Variants in ROCK2 observed in about 807,000 individuals in gnomAD.
ROCK2 encodes the protein rho-associated protein kinase 2.
In ROCK2, 61 loss-of-function variants were observed where a neutral mutation model predicts 195.1. The ratio of observed to expected loss-of-function variants is 0.31; its 90% CI spans 0.25 to 0.39. The LOEUF is 0.39. Among genes scored for constraint, ROCK2 ranks in the 10% least tolerant of loss-of-function variants. The pLI is 1.00. For missense variants in ROCK2, 1,109 were observed against 1,637.4 expected (o/e 0.68, Z 5.57); for synonymous variants, 504 against 545.5 (o/e 0.92, Z 1.06).
At chr2:11,313,569 C>T (rs1186027796) in intron 1 of ROCK2, among the ~76,000 whole-genome samples, 1 of 151,914 alleles carries the variant, frequency 6.6e-6, no homozygotes, top group Non-Finnish European at 1.5e-5. Context: ...TGTATAACCT[C>T]TTTATGTTAA....
rs563992651 is a variant in ROCK2 at position 11,344,576 on chromosome 2, G to A, written c.-440C>T. 9.7e-3 allele frequency: 8,257 copies of A among 854,932 alleles called. 51 individuals carry two copies. Among genetic ancestry groups the A allele is most frequent in the Non-Finnish European group, 0.011 (7,651 of 712,706 alleles). The allele number at this position is 854,932 out of a possible 1,614,324, so 53.0% of individuals were successfully genotyped here. ...CCGGCCCGCTGCCATGGTCGCCGCC[G>A]GCCGCCTTGCAGTCCCTCAGCCAGC... On this transcript the variant is annotated 5_prime_UTR_variant, in exon 1 of 33. Transcript: ENST00000315872. This position sits in a 1 kb window ranked among gnomAD's most constrained non-coding sequence, Gnocchi z 5.4.
At chr2:11,228,660 G>A (rs1391335863) in intron 5 of ROCK2, among the ~76,000 whole-genome samples, 1 of 151,962 alleles carries the variant, frequency 6.6e-6, no homozygotes, top group Non-Finnish European at 1.5e-5. Context: ...ATCAATAGAG[G>A]CTTATTAGGT....
intron 3 of ROCK2, among the ~76,000 whole-genome samples, chr2:11,278,802 C>T (rs1450218105): frequency 4.6e-5 from 7 of 152,016 alleles, no homozygotes; most frequent in Non-Finnish European, 7.4e-5. Context: ...TTAGTAGAGA[C>T]GGGGTTTTGC....
At chr2:11,231,918 A>G (rs767982593) in intron 5 of ROCK2, among the ~76,000 whole-genome samples, 12 of 152,214 alleles carry the variant, frequency 7.9e-5, no homozygotes, top group Admixed American at 1.3e-4. Flanking sequence ...ATATGTCTAT[A>G]TTATAGATAA....
At chr2:11,241,929 T>C (rs1665441528) in intron 4 of ROCK2, among the ~76,000 whole-genome samples, 1 of 152,124 alleles carries the variant, frequency 6.6e-6, no homozygotes, top group African/African-American at 2.4e-5. Context: ...CTTGTTAGCA[T>C]AACATGAAGT....
intron 3 of ROCK2, among the ~76,000 whole-genome samples, chr2:11,262,653 G>C (rs193262246): frequency 8.7e-4 from 132 of 152,232 alleles, no homozygotes; most frequent in Admixed American, 1.6e-3. Flanking sequence ...GTGACTTGCT[G>C]CTCCTTGCCT....
Position 11,329,092 on chromosome 2 carries a change from A to C in ROCK2, c.141+14904T>G, listed in dbSNP as rs1340979888. ...TAATAATTTTTTTAAAAATGCAAAA[A>C]AAAGAAACAAAAAAAAATACACTTG... On this transcript the variant is annotated intron_variant, in intron 1 of 32. Coordinates refer to ENST00000315872, the MANE Select transcript of ROCK2 (RefSeq NM_004850.5). 5.1e-5 allele frequency among the ~76,000 whole-genome samples: 4 copies of C among 78,588 alleles called. No homozygotes were observed. In the East Asian group the frequency reaches 4.2e-3, roughly 83 times the overall value. 51.6% of individuals were successfully genotyped at this position (78,588 alleles called of 152,430 possible).
At chr2:11,300,311 A>G (rs751144072) in intron 1 of ROCK2, among the ~76,000 whole-genome samples, 2 of 152,138 alleles carry the variant, frequency 1.3e-5, no homozygotes, top group Non-Finnish European at 2.9e-5. Context: ...TGCCCAGGCT[A>G]GAGTGCAATG....
chr2:11,200,118 T>G (rs1246412301), intron 23 of ROCK2, among the ~76,000 whole-genome samples: 1 of 152,226 alleles, frequency 6.6e-6, no homozygotes, highest in Non-Finnish European at 1.5e-5. Context: ...TTAGGTTTTC[T>G]CTTTCAGCTA....
rs139618490 is a variant in ROCK2, at chr2:11,272,250, A to C, written c.324+14289T>G. Among the ~76,000 whole-genome samples, 594 of 152,292 alleles carry C rather than the reference A, an allele frequency of 3.9e-3. 2 individuals are homozygous for C. Among genetic ancestry groups the C allele is most frequent in the African/African-American group, 0.013 (534 of 41,552 alleles). On this transcript the variant is annotated intron_variant, in intron 3 of 32. Coordinates refer to ENST00000315872, the MANE Select transcript of ROCK2 (RefSeq NM_004850.5). ...ATGGTCAATGAAGTCCTACAGGGTG[A>C]AATGAAAACACACTGTTTAAACAGT...
intron 18 of ROCK2, among the ~76,000 whole-genome samples, chr2:11,209,194 T>C (rs1375817322): frequency 6.6e-6 from 1 of 152,060 alleles, no homozygotes; most frequent in Admixed American, 6.6e-5. Context: ...TGTTGAAAAA[T>C]ATGTTTTAGG....
chr2:11,306,259 T>C (rs988687135), intron 1 of ROCK2, among the ~76,000 whole-genome samples: 2 of 152,220 alleles, frequency 1.3e-5, no homozygotes, highest in African/African-American at 4.8e-5. Flanking sequence ...GACTCACTAT[T>C]TCCTTCTGTC....
chr2:11,291,411 G>A (rs1031213522), intron 1 of ROCK2, among the ~76,000 whole-genome samples: 3 of 152,176 alleles, frequency 2.0e-5, no homozygotes, highest in Non-Finnish European at 4.4e-5. Flanking sequence ...TTAGCCGCGC[G>A]TGGTGGCGCA....
intron 3 of ROCK2, among the ~76,000 whole-genome samples, chr2:11,255,030 A>G (rs1377113313): frequency 6.6e-6 from 1 of 151,940 alleles, no homozygotes; most frequent in East Asian, 1.9e-4. Flanking sequence ...ATCCTGGCTA[A>G]CACGGTGAAA....
At chr2:11,272,681 A>G (rs1330090489) in intron 3 of ROCK2, among the ~76,000 whole-genome samples, 1 of 151,886 alleles carries the variant, frequency 6.6e-6, no homozygotes, top group Non-Finnish European at 1.5e-5. Flanking sequence ...GGAGTTTGAG[A>G]CCAGCCTTGC....
intron 1 of ROCK2, among the ~76,000 whole-genome samples, chr2:11,338,401 A>G (rs924016965): frequency 6.6e-6 from 1 of 152,338 alleles, no homozygotes; most frequent in Non-Finnish European, 1.5e-5. Flanking sequence ...CTCTGTATCC[A>G]TGAATCCAAC....
intron 9 of ROCK2, among the ~76,000 whole-genome samples, chr2:11,220,038 T>C (rs1248505331): frequency 6.6e-6 from 1 of 151,944 alleles, no homozygotes; most frequent in Non-Finnish European, 1.5e-5. Context: ...GTTGTTGAGA[T>C]GGAGTTTCGC....
chr2:11,244,160 CTGTA>C (rs956647214), intron 4 of ROCK2, among the ~76,000 whole-genome samples: 22 of 152,172 alleles, frequency 1.4e-4, no homozygotes, highest in African/African-American at 5.3e-4. Flanking sequence ...ATTAGTAGAC[CTGTA>C]TTTTTAAAAT....
upstream of ROCK2, among the ~76,000 whole-genome samples, chr2:11,344,853 A>G (rs150976481): frequency 0.042 from 6,319 of 150,484 alleles, 273 homozygotes; most frequent in Non-Finnish European, 0.06. The surrounding 1 kb of genome is among the most constrained non-coding windows in gnomAD (Gnocchi z 5.4). Flanking sequence ...TGAGGCGAAT[A>G]GCCGGGCGCG....
Sources: allele counts gnomAD v4.1 joint callset (sites outside exome capture counted in the v4.1 genomes callset), GRCh38; gene constraint gnomAD v4.1.1; non-coding constraint Gnocchi (gnomAD v3.1); transcripts MANE v1.5; gene names NCBI Gene and HGNC (gene_info 2026-07-23, HGNC 2026-07-21).